SETBP1: variants seen among roughly 807,000 people sequenced by gnomAD.
The protein encoded by SETBP1 is SET-binding protein.
A neutral mutation model predicts 101.0 loss-of-function variants in SETBP1; 9 were observed. That is an observed-to-expected ratio of 0.09 (90% CI 0.05 to 0.16). SETBP1 has a LOEUF of 0.16. SETBP1 is among the 10% of genes least tolerant of loss of function. The pLI, the probability that SETBP1 is intolerant of heterozygous loss-of-function variation, is 1.00. For synonymous variants in SETBP1, 818 were observed against 788.5 expected (o/e 1.04, Z -0.63); for missense variants, 1,858 against 2,033.8 (o/e 0.91, Z 1.66).
intron 2 of SETBP1, among the ~76,000 whole-genome samples, chr18:44,807,227 A>G (rs1484012390): frequency 6.6e-6 from 1 of 152,142 alleles, no homozygotes; most frequent in Non-Finnish European, 1.5e-5. Context: ...TAGATTGTAC[A>G]TATAGTTTAT....
intron 4 of SETBP1, among the ~76,000 whole-genome samples, chr18:44,959,182 G>A (rs985536042): frequency 3.9e-5 from 6 of 152,210 alleles, no homozygotes; most frequent in Non-Finnish European, 7.3e-5. Context: ...AGGTGTGGGT[G>A]CAGAGAAGTT....
At chr18:44,957,344 C>A (rs1368854194) in intron 4 of SETBP1, among the ~76,000 whole-genome samples, 2 of 151,548 alleles carry the variant, frequency 1.3e-5, no homozygotes, top group African/African-American at 4.9e-5. Flanking sequence ...GATACTGAGA[C>A]CTCATGACAA....
intron 3 of SETBP1, among the ~76,000 whole-genome samples, chr18:44,945,853 G>A (rs570106318): frequency 6.6e-6 from 1 of 152,200 alleles, no homozygotes; most frequent in East Asian, 1.9e-4. Flanking sequence ...CAGGGAGCCC[G>A]ATAAGATATC....
intron 2 of SETBP1, among the ~76,000 whole-genome samples, chr18:44,778,990 G>T (rs16978164): frequency 0.23 from 34,635 of 152,204 alleles, 4,185 homozygotes; most frequent in Non-Finnish European, 0.25. Context: ...AAACCCTGAG[G>T]TGTTGGGTGG....
intron 4 of SETBP1, among the ~76,000 whole-genome samples, chr18:44,960,950 A>G (rs1482610951): frequency 1.3e-5 from 2 of 152,234 alleles, no homozygotes; most frequent in East Asian, 3.8e-4. Context: ...AGCTAAAGTC[A>G]AAGGTGATTC....
intron 3 of SETBP1, among the ~76,000 whole-genome samples, chr18:44,909,840 G>C (rs2070263204): frequency 6.6e-6 from 1 of 152,124 alleles, no homozygotes; most frequent in South Asian, 2.1e-4. Context: ...ACCCTCTTCT[G>C]TTTCTTGTCT....
chr18:44,798,040 A>G (rs1375871028), intron 2 of SETBP1, among the ~76,000 whole-genome samples: 1 of 152,188 alleles, frequency 6.6e-6, no homozygotes, highest in Non-Finnish European at 1.5e-5. Flanking sequence ...TATAGGATCC[A>G]TTTGTGGACC....
intron 2 of SETBP1, among the ~76,000 whole-genome samples, chr18:44,840,145 T>A (rs569008463): frequency 6.6e-6 from 1 of 152,230 alleles, no homozygotes; most frequent in African/African-American, 2.4e-5. Context: ...CACTTCTCTT[T>A]ATGAGGCTTA....
At chr18:45,045,011 C>T (rs192191063) in intron 5 of SETBP1, among the ~76,000 whole-genome samples, 18 of 152,208 alleles carry the variant, frequency 1.2e-4, no homozygotes, top group East Asian at 5.8e-4. Context: ...TGGCCAGGTG[C>T]GGTGGCTTAT....
In SETBP1 at chr18:44,987,398, C is replaced by T. The variant is rs1216852872; in HGVS notation, c.4000+34058C>T. On this transcript the variant is annotated intron_variant, in intron 4 of 5. Transcript: ENST00000649279. ...CGCAAACCCCCAATTAGGATTATTGCCTGTCCATCAATAACAATCACTAGA... is the reference window on the plus strand; with the variant it reads ...CGCAAACCCCCAATTAGGATTATTGTCTGTCCATCAATAACAATCACTAGA... 3 of 152,180 alleles carry T rather than the reference C, an allele frequency of 2.0e-5. No homozygotes were observed. In the East Asian group the frequency reaches 5.8e-4, roughly 29 times the overall value. The allele number at this position is 152,180 out of a possible 1,614,324, so 9.4% of individuals were successfully genotyped here.
At chr18:44,937,573 C>T (rs1460715391) in intron 3 of SETBP1, among the ~76,000 whole-genome samples, 1 of 152,158 alleles carries the variant, frequency 6.6e-6, no homozygotes, top group Non-Finnish European at 1.5e-5. Flanking sequence ...GATTCCACCC[C>T]AGGCACAGAA....
At chr18:44,735,267 G>A (rs1056795395) in intron 2 of SETBP1, among the ~76,000 whole-genome samples, 5 of 152,216 alleles carry the variant, frequency 3.3e-5, no homozygotes, top group African/African-American at 1.2e-4. Flanking sequence ...TTAGGAGGCA[G>A]GAGACCTGAA....
At chr18:45,047,488 G>C (rs543521943) in intron 5 of SETBP1, among the ~76,000 whole-genome samples, 1 of 152,318 alleles carries the variant, frequency 6.6e-6, no homozygotes, top group South Asian at 2.1e-4. Context: ...TGGTGTCATG[G>C]TGGTGAGATA....
intron 2 of SETBP1, among the ~76,000 whole-genome samples, chr18:44,768,977 C>A (rs889936160): frequency 6.6e-6 from 1 of 152,144 alleles, no homozygotes; most frequent in East Asian, 1.9e-4. Context: ...GTATAACATA[C>A]CTGCTTGTGG....
intron 4 of SETBP1, among the ~76,000 whole-genome samples, chr18:45,012,367 AG>A (rs1374407051): frequency 6.6e-6 from 1 of 152,138 alleles, no homozygotes; most frequent in Non-Finnish European, 1.5e-5. Flanking sequence ...GAATAATTTC[AG>A]GGGCCTCCAG....
At chr18:44,785,397 G>A (rs1599123757) in intron 2 of SETBP1, among the ~76,000 whole-genome samples, 1 of 152,152 alleles carries the variant, frequency 6.6e-6, no homozygotes, top group Non-Finnish European at 1.5e-5. Flanking sequence ...GAATCTCTCG[G>A]TTATTAGAAC....
chr18:45,059,686 A>C (rs1334346012), intron 5 of SETBP1, among the ~76,000 whole-genome samples: 2 of 152,158 alleles, frequency 1.3e-5, no homozygotes, highest in Admixed American at 6.5e-5. Flanking sequence ...AAATTAGGTG[A>C]TATTAAAATT....
Position 45,068,319 on chromosome 18 carries a change from A to G in SETBP1, c.*4621A>G, listed in dbSNP as rs1381771641. 6.6e-6 allele frequency: 1 copy of G among 152,188 alleles called. No homozygotes were observed. Among genetic ancestry groups the G allele is most frequent in the African/African-American group, 2.4e-5 (1 of 41,438 alleles). 9.4% of individuals were successfully genotyped at this position (152,188 alleles called of 1,614,324 possible). A position where few individuals can be genotyped will look rare whatever the true frequency, so the allele number is the denominator to read the frequency against. On this transcript the variant is annotated 3_prime_UTR_variant, in exon 6 of 6. Coordinates refer to ENST00000649279, the MANE Select transcript of SETBP1 (RefSeq NM_015559.3). ...TATTTGAGGCGTAGATACATCTAGC[A>G]TGCTTACTGTCATGCTCCTCCATGG...
intron 3 of SETBP1, among the ~76,000 whole-genome samples, chr18:44,898,300 A>G (rs1222556342): frequency 6.6e-6 from 1 of 152,182 alleles, no homozygotes; most frequent in African/African-American, 2.4e-5. Context: ...TATACAGTGA[A>G]TGTACATTGA....
Sources: allele counts gnomAD v4.1 joint callset (sites outside exome capture counted in the v4.1 genomes callset), GRCh38; gene constraint gnomAD v4.1.1; transcripts MANE v1.5; gene names NCBI Gene and HGNC (gene_info 2026-07-23, HGNC 2026-07-21).